SMIM17: variants seen among roughly 807,000 people sequenced by gnomAD.
The protein encoded by SMIM17 is small integral membrane protein 17.
In SMIM17, 10 loss-of-function variants were observed where a neutral mutation model predicts 12.2. The ratio of observed to expected loss-of-function variants is 0.82; its 90% CI spans 0.50 to 1.39. SMIM17 has a LOEUF of 1.39. Among genes scored for constraint, SMIM17 ranks in the 40% most tolerant of loss-of-function variants. The pLI, the probability that SMIM17 is intolerant of heterozygous loss-of-function variation, is 0.00. For synonymous variants in SMIM17, 50 were observed against 44.1 expected, an observed-to-expected ratio of 1.13 and a Z score of -0.53; for missense variants, 136 against 118.2, an observed-to-expected ratio of 1.15 and a Z score of -0.70.
rs1434024493 is a variant in SMIM17, at chr19:56,645,650, C to G, written c.-18C>G. ...GAAAGAGAAGCTTGTCTCAGAAGCT[C>G]CACCTCCTCCTGGGGCAATGCAGAG... On this transcript the variant is annotated 5_prime_UTR_variant, in exon 2 of 4. Transcript: ENST00000598409. 2 of 1,462,246 alleles carry G rather than the reference C, an allele frequency of 1.4e-6. No individual in the cohort carries two copies. The highest frequency in any genetic ancestry group is 2.9e-5 in the African/African-American group (2 of 69,886). 90.6% of individuals were successfully genotyped at this position (1,462,246 alleles called of 1,614,324 possible).
At chr19:56,647,755 T>A in intron 3 of SMIM17, 121 bp downstream of exon 3, 1 of 805,534 alleles carries the variant, frequency 1.2e-6, no homozygotes, top group Non-Finnish European at 2.0e-6. Flanking sequence ...AGAGATCTCT[T>A]GTGTCTGATC....
At chr19:56,647,298 C>G (rs2045070541) in intron 2 of SMIM17, among the ~76,000 whole-genome samples, 1 of 151,944 alleles carries the variant, frequency 6.6e-6, no homozygotes, top group African/African-American at 2.4e-5. Flanking sequence ...AGTTATAGAA[C>G]AGAATTCAGG....
At position 56,647,420 on chromosome 19, in the gene SMIM17, T is replaced by TGAGAGAGAGAGAGAGAGAGAGA. The variant is rs72370552; in HGVS notation, c.170-128_170-107dup. ...GAGAGAGAGAGAGAGAGAAGGAGGGTGAGAGAGAGAGAGAGAGAGAGAGAG... is the reference window on the plus strand; with the variant it reads ...GAGAGAGAGAGAGAGAGAAGGAGGGTGAGAGAGAGAGAGAGAGAGAGAGAGAGAGAGAGAGAGAGAGAGAGAG... On this transcript the variant is annotated intron_variant, in intron 2 of 3. Coordinates refer to ENST00000598409, the MANE Select transcript of SMIM17 (RefSeq NM_001193628.2). 8.0e-5 allele frequency: 44 copies of TGAGAGAGAGAGAGAGAGAGAGA among 548,558 alleles called. No homozygotes were observed. In the African/African-American group the frequency reaches 8.4e-4, roughly 11 times the overall value. 34.0% of individuals were successfully genotyped at this position (548,558 alleles called of 1,614,324 possible). A position where few individuals can be genotyped will look rare whatever the true frequency, so the allele number is the denominator to read the frequency against.
chr19:56,653,363 C>T (rs957090838), intron 3 of SMIM17, among the ~76,000 whole-genome samples: 7 of 152,282 alleles, frequency 4.6e-5, no homozygotes, highest in East Asian at 3.9e-4. Context: ...TCACTTAATA[C>T]GTGCTGGACA....
At chr19:56,647,445 GAGA>G in intron 2 of SMIM17, 110 bp from the exon 3 acceptor site, 1 of 634,404 alleles carries the variant, frequency 1.6e-6, no homozygotes, top group Non-Finnish European at 2.6e-6. Flanking sequence ...GAGAGAGAGA[GAGA>G]GAGGAGGCTA....
At position 56,657,195 on chromosome 19, in the gene SMIM17, AT is replaced by A. The variant is rs375682828; in HGVS notation, c.*1983del. Among the ~76,000 whole-genome samples, 122 of 152,342 alleles carry A rather than the reference AT, an allele frequency of 8.0e-4. 1 individual carries two copies. The highest frequency in any genetic ancestry group is 2.8e-3 in the African/African-American group (118 of 41,588). On this transcript the variant is annotated 3_prime_UTR_variant, in exon 4 of 4. Transcript: ENST00000598409. ...TTAAATAATATATGTAAAACACCATATGACAATGGCTGGCAGATAGTAGGCA... is the reference window on the plus strand; with the variant it reads ...TTAAATAATATATGTAAAACACCATAGACAATGGCTGGCAGATAGTAGGCA...
At chr19:56,652,172 C>G (rs2045114625) in intron 3 of SMIM17, among the ~76,000 whole-genome samples, 2 of 150,454 alleles carry the variant, frequency 1.3e-5, no homozygotes, top group Admixed American at 1.3e-4. Context: ...AACATGTTTC[C>G]CTATATACTG....
intron 3 of SMIM17, among the ~76,000 whole-genome samples, chr19:56,650,470 C>A (rs2045100840): frequency 6.6e-6 from 1 of 152,214 alleles, no homozygotes; most frequent in Non-Finnish European, 1.5e-5. Flanking sequence ...CGACGCCCAG[C>A]CAGCTTGATG....
intron 1 of SMIM17, 58 bp from the exon 2 acceptor site, chr19:56,645,510 G>C (rs187992134): frequency 5.2e-5 from 31 of 600,178 alleles, no homozygotes; most frequent in Non-Finnish European, 6.9e-5. Context: ...GCTTACAGTC[G>C]TGCCTAGCCC....
At position 56,656,040 on chromosome 19, in the gene SMIM17, G is replaced by A. The variant is rs571951201; in HGVS notation, c.*827G>A. ...CATCTCGGCTCACTGTAAGCAGAGGGTTCATGCCATTCTCCTGCCTCAGCC... is the reference window on the plus strand; with the variant it reads ...CATCTCGGCTCACTGTAAGCAGAGGATTCATGCCATTCTCCTGCCTCAGCC... On this transcript the variant is annotated 3_prime_UTR_variant, in exon 4 of 4. Transcript: ENST00000598409. 6.6e-6 allele frequency among the ~76,000 whole-genome samples: 1 copy of A among 151,716 alleles called. No individual in the cohort carries two copies. Among genetic ancestry groups the A allele is most frequent in the East Asian group, 1.9e-4 (1 of 5,162 alleles).
Position 56,655,266 on chromosome 19 carries a change from A to G in SMIM17, c.*53A>G. The G allele has an allele frequency of 1.5e-6, 1 of 675,570 alleles. No individual in the cohort carries two copies. The highest frequency in any genetic ancestry group is 1.6e-5 in the South Asian group (1 of 63,332). The allele number at this position is 675,570 out of a possible 1,614,324, so 41.8% of individuals were successfully genotyped here. On this transcript the variant is annotated 3_prime_UTR_variant, in exon 4 of 4. Coordinates refer to ENST00000598409, the MANE Select transcript of SMIM17 (RefSeq NM_001193628.2). ...TTTAATTTAATGAAATAGATGCCCT[A>G]TGTCATGTTAAGGAATTGTGCTAGT... is the stretch of plus-strand genomic sequence containing the variant.
At chr19:56,643,784 T>C (rs2148036440) in intron 1 of SMIM17, among the ~76,000 whole-genome samples, 1 of 152,246 alleles carries the variant, frequency 6.6e-6, no homozygotes, top group South Asian at 2.1e-4. Context: ...GGAAACCTAA[T>C]AGTATCTGTA....
At position 56,655,226 on chromosome 19, in the gene SMIM17, CTGT is replaced by C. The variant is rs1412107684; in HGVS notation, c.*18_*20del. Reference sequence around the variant, plus strand: ...GTTTCACATTTAACTATAATGGTGGCTGTTGTTTTAAAAGTTTAATTTAATGAA... The same window carrying C: ...GTTTCACATTTAACTATAATGGTGGCTGTTTTAAAAGTTTAATTTAATGAA... On this transcript the variant is annotated 3_prime_UTR_variant, in exon 4 of 4. Transcript: ENST00000598409. The C allele has an allele frequency of 1.4e-6, 1 of 697,870 alleles. No homozygotes were observed. Among genetic ancestry groups the C allele is most frequent in the Admixed American group, 2.0e-5 (1 of 49,526 alleles). 43.2% of individuals were successfully genotyped at this position (697,870 alleles called of 1,614,324 possible). A position where few individuals can be genotyped will look rare whatever the true frequency, so the allele number is the denominator to read the frequency against.
Position 56,647,567 on chromosome 19 carries a change from C to G in SMIM17, c.179C>G (p.Ser60Cys). Residue 60 changes from serine (S) to cysteine (C), a missense_variant, in exon 3 of 4, where the codon TCT becomes TGT. Coordinates refer to ENST00000598409, the MANE Select transcript of SMIM17 (RefSeq NM_001193628.2). Reference sequence around the variant, plus strand: ...TCCCACCCTCACCCAGACCTGTCTTCTCAAGAGACTGGGCTTTCCCAGGAG... The same window carrying G: ...TCCCACCCTCACCCAGACCTGTCTTGTCAAGAGACTGGGCTTTCCCAGGAG... ...SHDSDEKDLS[S>C]QETGLSQEWS... The G allele has an allele frequency of 6.5e-7, 1 of 1,535,806 alleles. No individual in the cohort carries two copies. The highest frequency in any genetic ancestry group is 1.4e-5 in the African/African-American group (1 of 73,114).
At chr19:56,653,065 A>T (rs1487663223) in intron 3 of SMIM17, among the ~76,000 whole-genome samples, 1 of 152,252 alleles carries the variant, frequency 6.6e-6, no homozygotes, top group East Asian at 1.9e-4. Context: ...TATTTCCAAT[A>T]AAATGCACTA....
chr19:56,643,564 G>T (rs1401906969), intron 1 of SMIM17, among the ~76,000 whole-genome samples: 2 of 152,160 alleles, frequency 1.3e-5, no homozygotes, highest in Admixed American at 1.3e-4. Flanking sequence ...TCTCGCTGGG[G>T]CTTGGTGTCG....
intron 3 of SMIM17, 37 bp downstream of exon 3, chr19:56,647,671 C>T: frequency 6.7e-7 from 1 of 1,495,926 alleles, no homozygotes; most frequent in Middle Eastern, 1.7e-4. Flanking sequence ...CACAAATGTC[C>T]CACTCTGTAG....
chr19:56,653,402 T>G (rs1212890711), intron 3 of SMIM17, among the ~76,000 whole-genome samples: 1 of 152,232 alleles, frequency 6.6e-6, no homozygotes, highest in Non-Finnish European at 1.5e-5. Flanking sequence ...ATTGATTATC[T>G]TCATTGTATT....
intron 3 of SMIM17, among the ~76,000 whole-genome samples, chr19:56,654,825 G>A (rs1235007702): frequency 2.0e-5 from 3 of 152,142 alleles, no homozygotes; most frequent in African/African-American, 4.8e-5. Context: ...AGGGGGTGGG[G>A]TCATTAGAGC....
Sources: allele counts gnomAD v4.1 joint callset (sites outside exome capture counted in the v4.1 genomes callset), GRCh38; gene constraint gnomAD v4.1.1; transcripts MANE v1.5; gene names NCBI Gene and HGNC (gene_info 2026-07-23, HGNC 2026-07-21).